XPR1: variants seen among roughly 807,000 people sequenced by gnomAD.
XPR1 encodes xenotropic and polytropic retrovirus receptor 1.
XPR1 carries 28 observed loss-of-function variants against 87.5 expected under a neutral mutation model. That is an observed-to-expected ratio of 0.32 (90% CI 0.24 to 0.44). The LOEUF is 0.44. Ranked by LOEUF, XPR1 falls within the 20% of genes least tolerant of loss-of-function variation. The pLI, the probability that XPR1 is intolerant of heterozygous loss-of-function variation, is 1.00. For synonymous variants in XPR1, 300 were observed against 306.1 expected, an observed-to-expected ratio of 0.98 and a Z score of 0.21; for missense variants, 559 against 862.3, an observed-to-expected ratio of 0.65 and a Z score of 4.41.
intron 10 of XPR1, 83 bp from the exon 11 acceptor site, chr1:180,836,439 G>A: frequency 6.8e-7 from 1 of 1,478,492 alleles, no homozygotes; most frequent in Non-Finnish European, 9.3e-7. Context: ...TTTAGACTTG[G>A]TATTAGCTAC....
chr1:180,679,425 G>A (rs112604999), intron 1 of XPR1, among the ~76,000 whole-genome samples: 4 of 152,140 alleles, frequency 2.6e-5, no homozygotes, highest in Non-Finnish European at 2.9e-5. Context: ...TCTATAATGC[G>A]CAGAGCAGCC....
chr1:180,656,940 A>C (rs1297449656), intron 1 of XPR1, among the ~76,000 whole-genome samples: 1 of 151,762 alleles, frequency 6.6e-6, no homozygotes, highest in East Asian at 1.9e-4. Flanking sequence ...GGATGTACTA[A>C]TTTACATTCC....
chr1:180,738,394 T>A (rs1481838177), intron 2 of XPR1, among the ~76,000 whole-genome samples: 1 of 152,172 alleles, frequency 6.6e-6, no homozygotes, highest in Non-Finnish European at 1.5e-5. Context: ...AGAGTTGGAG[T>A]TGCTCTGTAT....
At chr1:180,873,723 T>A in intron 12 of XPR1, 80 bp from the exon 13 acceptor site, 1 of 1,495,896 alleles carries the variant, frequency 6.7e-7, no homozygotes, top group South Asian at 1.3e-5. Context: ...GAGTCTTGTT[T>A]GTAGGACATA....
rs566764350 is a variant in XPR1 at position 180,719,746 on chromosome 1, T to TA, written c.121+37341dup. ...TCACTTCTTTGTGTTGCGAGCATCTTAAAAAATCACACATTTAAATTAGCT... is the reference window on the plus strand; with the variant it reads ...TCACTTCTTTGTGTTGCGAGCATCTTAAAAAAATCACACATTTAAATTAGCT... On this transcript the variant is annotated intron_variant, in intron 2 of 14. Coordinates refer to ENST00000367590, the MANE Select transcript of XPR1 (RefSeq NM_004736.4). Among the ~76,000 whole-genome samples, 357 of 152,298 alleles carry TA rather than the reference T, an allele frequency of 2.3e-3. 4 individuals carry two copies. Among genetic ancestry groups the TA allele is most frequent in the Non-Finnish European group, 3.5e-3 (238 of 68,020 alleles).
At chr1:180,657,745 G>A (rs1025302108) in intron 1 of XPR1, among the ~76,000 whole-genome samples, 4 of 152,010 alleles carry the variant, frequency 2.6e-5, no homozygotes, top group African/African-American at 7.2e-5. Context: ...TTTTCTTTTT[G>A]CTCAGGATTG....
intron 1 of XPR1, among the ~76,000 whole-genome samples, chr1:180,638,054 G>T (rs915796764): frequency 6.6e-6 from 1 of 151,310 alleles, no homozygotes. Flanking sequence ...TTAAATGAAG[G>T]TTTTATTTAT....
At chr1:180,843,260 G>A (rs1651573829) in intron 11 of XPR1, among the ~76,000 whole-genome samples, 2 of 149,576 alleles carry the variant, frequency 1.3e-5, no homozygotes, top group South Asian at 4.3e-4. Flanking sequence ...TCATTCTCTA[G>A]GGAAATTTTT....
intron 2 of XPR1, among the ~76,000 whole-genome samples, chr1:180,755,395 A>T (rs1647692626): frequency 6.6e-6 from 1 of 152,262 alleles, no homozygotes; most frequent in Non-Finnish European, 1.5e-5. Flanking sequence ...GAGAAACACT[A>T]GGTGAACTCA....
intron 9 of XPR1, among the ~76,000 whole-genome samples, chr1:180,830,424 C>T (rs1371975431): frequency 6.6e-6 from 1 of 152,052 alleles, no homozygotes; most frequent in East Asian, 1.9e-4. Context: ...TCCAAAGCTC[C>T]AAGAAAGTAC....
At chr1:180,783,872 T>C (rs184436456) in intron 2 of XPR1, among the ~76,000 whole-genome samples, 3 of 151,840 alleles carry the variant, frequency 2.0e-5, no homozygotes, top group African/African-American at 7.2e-5. Flanking sequence ...CTGACCAACA[T>C]GGCGAAACCC....
intron 2 of XPR1, among the ~76,000 whole-genome samples, chr1:180,775,358 G>A (rs1277288264): frequency 6.6e-6 from 1 of 151,950 alleles, no homozygotes. Context: ...CTGAGGCAGG[G>A]GGATCCCTTG....
chr1:180,656,235 A>G (rs1207930280), intron 1 of XPR1, among the ~76,000 whole-genome samples: 1 of 138,058 alleles, frequency 7.2e-6, no homozygotes, highest in Non-Finnish European at 1.6e-5. Flanking sequence ...TTGACTTAAC[A>G]TAATGACTTC....
intron 1 of XPR1, among the ~76,000 whole-genome samples, chr1:180,647,775 T>C (rs1655165368): frequency 6.6e-6 from 1 of 151,750 alleles, no homozygotes; most frequent in Non-Finnish European, 1.5e-5. Flanking sequence ...GTGGTGCATG[T>C]CTGTAATCCC....
chr1:180,632,097 A>AGCGCCGCGCC lies in XPR1; in HGVS notation c.-98_-89dup. The AGCGCCGCGCC allele has an allele frequency of 2.2e-6, 3 of 1,380,926 alleles. No homozygotes were observed. The highest frequency in any genetic ancestry group is 1.4e-5 in the African/African-American group (1 of 69,868). 85.5% of individuals were successfully genotyped at this position (1,380,926 alleles called of 1,614,324 possible). ...CGGCGGCGGAGGAGGAGAGAAGCGC[A>AGCGCCGCGCC]GCGCCGCGCCGCGCCGGGGCCCATG... On this transcript the variant is annotated 5_prime_UTR_variant, in exon 1 of 15. Coordinates refer to ENST00000367590, the MANE Select transcript of XPR1 (RefSeq NM_004736.4).
At chr1:180,782,389 G>A (rs1029876582) in intron 2 of XPR1, among the ~76,000 whole-genome samples, 2 of 151,920 alleles carry the variant, frequency 1.3e-5, no homozygotes, top group Admixed American at 6.6e-5. Context: ...TATTTCTGGA[G>A]GCTTGAAAGT....
At chr1:180,672,927 T>G (rs367962846) in intron 1 of XPR1, among the ~76,000 whole-genome samples, 1 of 152,206 alleles carries the variant, frequency 6.6e-6, no homozygotes, top group South Asian at 2.1e-4. Flanking sequence ...GCACAAATAT[T>G]CCTTGCCCTT....
At chr1:180,752,941 G>A (rs1289527934) in intron 2 of XPR1, among the ~76,000 whole-genome samples, 1 of 152,128 alleles carries the variant, frequency 6.6e-6, no homozygotes, top group Non-Finnish European at 1.5e-5. Context: ...GAAGTTGATA[G>A]AAGTATTGTG....
At chr1:180,755,436 T>TAGAA (rs1647696319) in intron 2 of XPR1, among the ~76,000 whole-genome samples, 1 of 152,234 alleles carries the variant, frequency 6.6e-6, no homozygotes, top group Non-Finnish European at 1.5e-5. Flanking sequence ...CCGAGCTGTG[T>TAGAA]AGAAATACAC....
Sources: gnomAD v4.1 joint callset for allele counts (sites outside exome capture counted in the v4.1 genomes callset) on GRCh38, gnomAD v4.1.1 for gene constraint, MANE v1.5 for transcripts, NCBI Gene and HGNC (gene_info 2026-07-23, HGNC 2026-07-21) for gene names.